REPS2: variants seen among roughly 807,000 people sequenced by gnomAD.
The protein encoded by REPS2 is ralBP1-associated Eps domain-containing protein 2.
Under a neutral mutation model 53.6 loss-of-function variants are expected in REPS2, and 23 were observed. The observed-to-expected ratio is 0.43, with a 90% confidence interval of 0.31 to 0.61. The LOEUF is 0.61. REPS2 is among the 20% of genes least tolerant of loss of function. The probability of loss-of-function intolerance (pLI) is 0.11; values close to 1 mark genes in which losing one functional copy is unlikely to be tolerated. For synonymous variants in REPS2, 238 were observed against 218.6 expected (o/e 1.09, Z -0.78); for missense variants, 446 against 534.9 (o/e 0.83, Z 1.64).
intron 1 of REPS2, among the ~76,000 whole-genome samples, chrX:16,996,550 A>G (rs1366957895): frequency 2.7e-5 from 3 of 112,252 alleles, no homozygotes; most frequent in African/African-American, 9.7e-5. Flanking sequence ...TGCATTTGTT[A>G]TTTTAACAAT....
intron 11 of REPS2, among the ~76,000 whole-genome samples, chrX:17,072,490 A>G (rs1370300067): frequency 9.0e-6 from 1 of 111,198 alleles, no homozygotes; most frequent in African/African-American, 3.3e-5. Flanking sequence ...CTGTCTGTCT[A>G]TCTCTTACCA....
intron 17 of REPS2, 88 bp from the exon 18 acceptor site, chrX:17,147,325 A>T: frequency 1.4e-6 from 1 of 706,587 alleles, no homozygotes; most frequent in Non-Finnish European, 2.2e-6. Context: ...TCCAGTTATA[A>T]GTTTCCTTTT....
In REPS2 at chrX:17,135,149, AC is replaced by A. The variant is rs1429717587; in HGVS notation, c.1663-109del. 6.6e-6 allele frequency: 5 copies of A among 759,537 alleles called. No individual in the cohort carries two copies. The East Asian group carries it at 1.7e-4, about 25-fold the overall frequency. 62.6% of individuals were successfully genotyped at this position (759,537 alleles called of 1,213,427 possible). On this transcript the variant is annotated intron_variant, in intron 15 of 17. Coordinates refer to ENST00000357277, the MANE Select transcript of REPS2 (RefSeq NM_004726.3). ...TGAGCCATGGGTCAGTAAATAGAGTACCCTCCTGATCTTGGGGTTGGGGCTA... is the reference window on the plus strand; with the variant it reads ...TGAGCCATGGGTCAGTAAATAGAGTACCTCCTGATCTTGGGGTTGGGGCTA...
intron 1 of REPS2, among the ~76,000 whole-genome samples, chrX:16,973,003 T>C (rs1321316281): frequency 9.0e-6 from 1 of 111,332 alleles, no homozygotes; most frequent in Admixed American, 9.5e-5. Context: ...ATATTGCATT[T>C]AGTTATTATT....
intron 1 of REPS2, among the ~76,000 whole-genome samples, chrX:16,997,620 C>T (rs1014402177): frequency 2.7e-5 from 3 of 112,812 alleles, no homozygotes; most frequent in African/African-American, 9.7e-5. Context: ...CTGTCATCAA[C>T]TGCTATCACT....
chrX:17,146,065 C>T (rs1411276336), intron 17 of REPS2, among the ~76,000 whole-genome samples: 21 of 105,304 alleles, frequency 2.0e-4, no homozygotes, highest in Non-Finnish European at 3.7e-4. Flanking sequence ...GCCGAGATCG[C>T]GCCATTGCAC....
rs183419292 is a variant in REPS2, at chrX:17,075,335, A to T, written c.1379+1176A>T. Among the ~76,000 whole-genome samples, 200 of 112,177 alleles carry T rather than the reference A, an allele frequency of 1.8e-3. 1 individual carries two copies. Among genetic ancestry groups the T allele is most frequent in the African/African-American group, 6.1e-3 (187 of 30,907 alleles). On this transcript the variant is annotated intron_variant, in intron 12 of 17. Transcript: ENST00000357277. ...AACCTCAAAGTTTTAGCTTCTGCTG[A>T]CTTCCTCTCTCCCTGAAAGCCAGTG... is the stretch of plus-strand genomic sequence containing the variant.
rs1164606562 is a variant in REPS2, at chrX:17,151,792, A to G, written c.*4311A>G. On this transcript the variant is annotated 3_prime_UTR_variant, in exon 18 of 18. Transcript: ENST00000357277. ...TCTGGTTTTTCTTTCTAACTGCTTT[A>G]CTGTTTCAAGGGTATTCTTTTAAAA... is the stretch of plus-strand genomic sequence containing the variant. 1.8e-5 allele frequency: 2 copies of G among 111,626 alleles called. No homozygotes were observed. Among genetic ancestry groups the G allele is most frequent in the African/African-American group, 6.5e-5 (2 of 30,727 alleles). 9.2% of individuals were successfully genotyped at this position (111,626 alleles called of 1,213,427 possible).
chrX:17,011,708 GAGTTCGGGACC>G (rs1226212599), intron 2 of REPS2, among the ~76,000 whole-genome samples: 1 of 111,497 alleles, frequency 9.0e-6, no homozygotes, highest in African/African-American at 3.3e-5. Context: ...TTGAGGCCAG[GAGTTCGGGACC>G]AGCCCGGCAA....
chrX:17,135,566 C>G, intron 16 of REPS2, 160 bp downstream of exon 16: 1 of 614,724 alleles, frequency 1.6e-6, no homozygotes, highest in Non-Finnish European at 2.5e-6. Context: ...CTCCCAGTCA[C>G]ATAGAAGGCT....
At chrX:16,951,532 CACACACACACACACACACACACACACA>C (rs1569083570) in intron 1 of REPS2, among the ~76,000 whole-genome samples, 1 of 51,426 alleles carries the variant, frequency 1.9e-5, no homozygotes, top group African/African-American at 5.3e-5. Flanking sequence ...CACACACACA[CACACACACACACACACACACACACACA>C]CCCCCGCTAC....
chrX:16,951,559 A>ACACACC lies in REPS2; in HGVS notation c.273+4426_273+4427insACACCC, dbSNP rs879259718. 8.3e-3 allele frequency among the ~76,000 whole-genome samples: 310 copies of ACACACC among 37,489 alleles called. 5 individuals carry two copies. The highest frequency in any genetic ancestry group is 0.054 in the Middle Eastern group (3 of 56). The allele number at this position is 37,489 out of a possible 115,157, so 32.6% of individuals were successfully genotyped here. A position where few individuals can be genotyped will look rare whatever the true frequency, so the allele number is the denominator to read the frequency against. On this transcript the variant is annotated intron_variant, in intron 1 of 17. Coordinates refer to ENST00000357277, the MANE Select transcript of REPS2 (RefSeq NM_004726.3). Reference sequence around the variant, plus strand: ...CACACACACACACACACACACACACACCCCCGCTACCTACCTCTCTCTGGG... The same window carrying ACACACC: ...CACACACACACACACACACACACACACACACCCCCCCGCTACCTACCTCTCTCTGGG...
chrX:17,109,571 T>C (rs2062931882), intron 14 of REPS2, among the ~76,000 whole-genome samples: 1 of 110,372 alleles, frequency 9.1e-6, no homozygotes, highest in African/African-American at 3.3e-5. Context: ...GGCCTGGGAG[T>C]CAAGGGATTC....
At chrX:17,008,814 C>T (rs1485006783) in intron 2 of REPS2, among the ~76,000 whole-genome samples, 3 of 111,189 alleles carry the variant, frequency 2.7e-5, no homozygotes, top group Non-Finnish European at 5.7e-5. Context: ...GCATCATACC[C>T]AGGGAGTTGT....
At chrX:17,172,082 G>T in the REPS2 span, among the ~76,000 whole-genome samples, 3 of 111,706 alleles carry the variant, frequency 2.7e-5, no homozygotes, top group South Asian at 3.7e-4. Context: ...TTTTATAGAT[G>T]AGGAAACAGA....
the REPS2 span, among the ~76,000 whole-genome samples, chrX:17,173,789 T>G: frequency 1.8e-5 from 2 of 112,314 alleles, no homozygotes; most frequent in South Asian, 3.7e-4. Context: ...TGTGGTTCAA[T>G]CTTTTCATAG....
At chrX:17,081,504 G>A (rs1314859812) in intron 13 of REPS2, among the ~76,000 whole-genome samples, 1 of 112,484 alleles carries the variant, frequency 8.9e-6, no homozygotes, top group Non-Finnish European at 1.9e-5. Flanking sequence ...ATGATATGGG[G>A]AAAAAGAACA....
intron 5 of REPS2, among the ~76,000 whole-genome samples, chrX:17,030,946 G>A (rs1305412510): frequency 8.9e-6 from 1 of 112,072 alleles, no homozygotes; most frequent in East Asian, 2.8e-4. Context: ...AAATACTCTT[G>A]AAAAATCCCT....
At chrX:17,034,454 G>A (rs1375862177) in intron 5 of REPS2, among the ~76,000 whole-genome samples, 1 of 110,593 alleles carries the variant, frequency 9.0e-6, no homozygotes, top group Non-Finnish European at 1.9e-5. Flanking sequence ...TCTCCACCAT[G>A]CCCAGCTAAT....
Sources: gnomAD v4.1 joint callset for allele counts (sites outside exome capture counted in the v4.1 genomes callset) on GRCh38, gnomAD v4.1.1 for gene constraint, MANE v1.5 for transcripts, NCBI Gene and HGNC (gene_info 2026-07-23, HGNC 2026-07-21) for gene names.